The following IRS2 variants were observed in gnomAD, a reference collection of about 807,000 sequenced individuals.
IRS2 encodes insulin receptor substrate 2.
In IRS2, 28 loss-of-function variants were observed where a neutral mutation model predicts 70.9. That is an observed-to-expected ratio of 0.39 (90% CI 0.29 to 0.54). The LOEUF (loss-of-function observed/expected upper bound fraction) is 0.54, where lower values mean the gene tolerates loss of function less well. Ranked by LOEUF, IRS2 falls within the 20% of genes least tolerant of loss-of-function variation. IRS2 has a pLI of 0.59. For synonymous variants in IRS2, 1,217 were observed against 981.9 expected, an observed-to-expected ratio of 1.24 and a Z score of -4.48; for missense variants, 2,081 against 2,024.1, an observed-to-expected ratio of 1.03 and a Z score of -0.54.
intron 1 of IRS2, among the ~76,000 whole-genome samples, chr13:109,757,019 C>T (rs776131617): frequency 9.2e-5 from 14 of 152,186 alleles, no homozygotes; most frequent in Non-Finnish European, 1.5e-4. Flanking sequence ...TTTACCCTTT[C>T]GCTGTGCTCA....
chr13:109,756,244 GTCT>G lies in IRS2; in HGVS notation c.*57_*59del. The G allele has an allele frequency of 7.1e-7, 1 of 1,405,764 alleles. No homozygotes were observed. The highest frequency in any genetic ancestry group is 1.0e-6 in the Non-Finnish European group (1 of 989,774). The allele number at this position is 1,405,764 out of a possible 1,614,324, so 87.1% of individuals were successfully genotyped here. On this transcript the variant is annotated 3_prime_UTR_variant, in exon 2 of 2. Coordinates refer to ENST00000375856, the MANE Select transcript of IRS2 (RefSeq NM_003749.3). Reference sequence around the variant, plus strand: ...GCTTCGGGCTGAAACAGTGCTGAGCGTCTTCTTTTAATGATACTCTCTGACATG... The same window carrying G: ...GCTTCGGGCTGAAACAGTGCTGAGCGTCTTTTAATGATACTCTCTGACATG...
intron 1 of IRS2, among the ~76,000 whole-genome samples, chr13:109,776,019 T>G (rs1193639820): frequency 6.6e-6 from 1 of 151,770 alleles, no homozygotes; most frequent in Non-Finnish European, 1.5e-5. Flanking sequence ...CATGGTGGCA[T>G]GCACCTCTAG....
intron 1 of IRS2, among the ~76,000 whole-genome samples, chr13:109,773,918 C>T (rs1229220256): frequency 1.3e-5 from 2 of 152,232 alleles, no homozygotes; most frequent in Non-Finnish European, 2.9e-5. Flanking sequence ...GTTTGTATCA[C>T]ATTCTCCTAC....
rs1011358698 is a variant in IRS2 at position 109,786,015 on chromosome 13, C to T, written c.39G>A (p.Ala13=). 2.2e-5 allele frequency: 30 copies of T among 1,391,744 alleles called. 1 individual carries two copies. The highest frequency in any genetic ancestry group is 2.1e-4 in the African/African-American group (14 of 66,636). The allele number at this position is 1,391,744 out of a possible 1,614,324, so 86.2% of individuals were successfully genotyped here. ...TGTTGAGGTTGGGGCCGTCTCCGCTCGCCGGCCCGGGCGGCCCGTGCCGCG... is the reference window on the plus strand; with the variant it reads ...TGTTGAGGTTGGGGCCGTCTCCGCTTGCCGGCCCGGGCGGCCCGTGCCGCG... ...SPPRHGPPGP[A]SGDGPNLNNN... The change falls in exon 1 of 2, where the codon GCG becomes GCA. Residue 13 remains alanine (A), a synonymous_variant. Transcript: ENST00000375856. The surrounding 1 kb of genome is among the most constrained non-coding windows in gnomAD (Gnocchi z 4.4).
Position 109,755,684 on chromosome 13 carries a change from G to C in IRS2, c.*620C>G, listed in dbSNP as rs1877091267. 4.9e-6 allele frequency: 1 copy of C among 203,436 alleles called. No individual in the cohort carries two copies. Among genetic ancestry groups the C allele is most frequent in the Non-Finnish European group, 1.0e-5 (1 of 98,976 alleles). 12.6% of individuals were successfully genotyped at this position (203,436 alleles called of 1,614,324 possible). A position where few individuals can be genotyped will look rare whatever the true frequency, so the allele number is the denominator to read the frequency against. On this transcript the variant is annotated 3_prime_UTR_variant, in exon 2 of 2. Transcript: ENST00000375856. ...TCAGTCCCACACTGGGCTCGGTGTG[G>C]ACGTAAACATCGCAGGTACCTGCAC...
Position 109,783,273 on chromosome 13 carries a change from G to T in IRS2, c.2781C>A (p.Pro927=), listed in dbSNP as rs767297227. Reference sequence around the variant, plus strand: ...GCGCGGGCGGCGACAGGCGGGCCCCGGGCTCGCCAAAGTCGATGTTGATGT... The same window carrying T: ...GCGCGGGCGGCGACAGGCGGGCCCCTGGCTCGCCAAAGTCGATGTTGATGT... The part of the protein sequence containing the change: ...GEYINIDFGE[P]GARLSPPAPP... Residue 927 remains proline, a synonymous_variant, in exon 1 of 2, where the codon CCC becomes CCA. Coordinates refer to ENST00000375856, the MANE Select transcript of IRS2 (RefSeq NM_003749.3). 1.6e-5 allele frequency: 23 copies of T among 1,459,986 alleles called. No individual in the cohort carries two copies. In the South Asian group the frequency reaches 3.0e-4, roughly 19 times the overall value. 90.4% of individuals were successfully genotyped at this position (1,459,986 alleles called of 1,614,324 possible). A position where few individuals can be genotyped will look rare whatever the true frequency, so the allele number is the denominator to read the frequency against.
At chr13:109,769,975 T>A (rs2138918888) in intron 1 of IRS2, among the ~76,000 whole-genome samples, 1 of 152,338 alleles carries the variant, frequency 6.6e-6, no homozygotes, top group Admixed American at 6.5e-5. Flanking sequence ...TTCCTATTTT[T>A]CTTTTTTTCT....
In IRS2 at chr13:109,756,196, G is replaced by T; in HGVS notation, c.*108C>A. The T allele has an allele frequency of 2.1e-6, 2 of 968,940 alleles. No homozygotes were observed. 60.0% of individuals were successfully genotyped at this position (968,940 alleles called of 1,614,324 possible). A position where few individuals can be genotyped will look rare whatever the true frequency, so the allele number is the denominator to read the frequency against. ...TGTTTCCAAACACAGTCATTGCTCA[G>T]ATCCAAAAGAAAACTGCAAGCAGCT... On this transcript the variant is annotated 3_prime_UTR_variant, in exon 2 of 2. Transcript: ENST00000375856.
intron 1 of IRS2, among the ~76,000 whole-genome samples, chr13:109,781,682 C>T (rs1358630493): frequency 1.3e-5 from 2 of 152,128 alleles, no homozygotes; most frequent in Non-Finnish European, 1.5e-5. Context: ...ACCCACGCAG[C>T]CGGATGAAGA....
intron 1 of IRS2, among the ~76,000 whole-genome samples, chr13:109,765,266 A>C (rs2138915212): frequency 6.6e-6 from 1 of 152,340 alleles, no homozygotes; most frequent in Middle Eastern, 3.4e-3. Context: ...GTAATGCAAA[A>C]TGGAAAACGC....
At chr13:109,769,592 CT>C (rs1015183009) in intron 1 of IRS2, among the ~76,000 whole-genome samples, 1 of 152,218 alleles carries the variant, frequency 6.6e-6, no homozygotes, top group African/African-American at 2.4e-5. Flanking sequence ...CCTTTCCCCC[CT>C]CTCCCTTCCC....
rs1166002006 is a variant in IRS2, at chr13:109,785,894, C to T, written c.160G>A (p.Gly54Ser). 6.7e-7 allele frequency: 1 copy of T among 1,487,610 alleles called. No homozygotes were observed. Among genetic ancestry groups the T allele is most frequent in the Non-Finnish European group, 8.9e-7 (1 of 1,127,348 alleles). 92.2% of individuals were successfully genotyped at this position (1,487,610 alleles called of 1,614,324 possible). ...HKRFFVLRGPGAGGDEATAGG... is the reference protein window; with the variant it reads ...HKRFFVLRGPSAGGDEATAGG... ...GCCGTCGCCTCGTCGCCGCCCGCGC[C>T]GGGTCCGCGCAGCACGAAGAAGCGC... is the stretch of plus-strand genomic sequence containing the variant. The change falls in exon 1 of 2, where the codon GGC becomes AGC. Residue 54 changes from glycine (G) to serine (S), a missense_variant. Gly to Ser is a moderately conservative substitution (Grantham distance 56). This residue lies in a region of IRS2 where 320 missense variants were observed against 352.9 expected (regional missense o/e 0.91). Coordinates refer to ENST00000375856, the MANE Select transcript of IRS2 (RefSeq NM_003749.3). This position sits in a 1 kb window ranked among gnomAD's most constrained non-coding sequence, Gnocchi z 9.3.
chr13:109,765,287 A>C (rs1307470178), intron 1 of IRS2, among the ~76,000 whole-genome samples: 1 of 152,242 alleles, frequency 6.6e-6, no homozygotes, highest in Non-Finnish European at 1.5e-5. Context: ...CAAGCTACCA[A>C]CTATATAAAG....
At chr13:109,763,426 A>T (rs762113017) in intron 1 of IRS2, among the ~76,000 whole-genome samples, 3,167 of 152,356 alleles carry the variant, frequency 0.021, 53 homozygotes, top group Non-Finnish European at 0.033. Context: ...AGCTACCGCT[A>T]TTCTATTTGA....
At chr13:109,781,898 C>G in intron 1 of IRS2, 144 bp downstream of exon 1, 1 of 890,442 alleles carries the variant, frequency 1.1e-6, no homozygotes, top group Non-Finnish European at 1.8e-6. Context: ...GGGCAGCCCG[C>G]AGAAAAACAA....
intron 1 of IRS2, 121 bp downstream of exon 1, chr13:109,781,921 G>A: frequency 9.0e-7 from 1 of 1,105,340 alleles, no homozygotes; most frequent in South Asian, 1.3e-5. Context: ...CAAGGAGCCA[G>A]TGCCAGGCTG....
At chr13:109,778,838 T>C (rs1468535872) in intron 1 of IRS2, among the ~76,000 whole-genome samples, 1 of 152,158 alleles carries the variant, frequency 6.6e-6, no homozygotes, top group Non-Finnish European at 1.5e-5. Flanking sequence ...AAAGGAATAC[T>C]AAAACAGCAA....
Position 109,754,843 on chromosome 13 carries a change from C to A in IRS2, c.*1461G>T. The A allele has an allele frequency of 5.1e-6, 1 of 196,462 alleles. No individual in the cohort carries two copies. Among genetic ancestry groups the A allele is most frequent in the Non-Finnish European group, 1.1e-5 (1 of 94,998 alleles). 12.2% of individuals were successfully genotyped at this position (196,462 alleles called of 1,614,324 possible). ...CTATTATATATTTATATATATTTTT[C>A]TAAAAACAAAACAAAACAAAACCAA... is the stretch of plus-strand genomic sequence containing the variant. On this transcript the variant is annotated 3_prime_UTR_variant, in exon 2 of 2. Coordinates refer to ENST00000375856, the MANE Select transcript of IRS2 (RefSeq NM_003749.3).
At chr13:109,769,193 A>G in intron 1 of IRS2, among the ~76,000 whole-genome samples, 1 of 152,188 alleles carries the variant, frequency 6.6e-6, no homozygotes, top group East Asian at 1.9e-4. Flanking sequence ...CGTATACTCT[A>G]CCAAGTAACC....
Sources: allele counts gnomAD v4.1 joint callset (sites outside exome capture counted in the v4.1 genomes callset), GRCh38; gene constraint gnomAD v4.1.1; regional missense constraint gnomAD v4.1.1; non-coding constraint Gnocchi (gnomAD v3.1); transcripts MANE v1.5; gene names NCBI Gene and HGNC (gene_info 2026-07-23, HGNC 2026-07-21).